ARFGAP3: variants seen among roughly 807,000 people sequenced by gnomAD.
ARFGAP3 encodes ADP-ribosylation factor GTPase-activating protein 3.
A neutral mutation model predicts 75.0 loss-of-function variants in ARFGAP3; 72 were observed. The observed-to-expected ratio is 0.96, with a 90% CI of 0.79 to 1.17. The LOEUF is 1.17. Ranked by LOEUF, ARFGAP3 falls within the 50% of genes most tolerant of loss-of-function variation. The pLI is 0.00. For missense variants in ARFGAP3, 620 were observed against 626.6 expected, an observed-to-expected ratio of 0.99 and a Z score of 0.11; for synonymous variants, 221 against 217.9, an observed-to-expected ratio of 1.01 and a Z score of -0.13.
chr22:42,834,648 A>AT (rs1366638923), intron 4 of ARFGAP3, among the ~76,000 whole-genome samples: 1 of 152,242 alleles, frequency 6.6e-6, no homozygotes, highest in African/African-American at 2.4e-5. Flanking sequence ...ATATTTATGA[A>AT]TCTACCTACT....
At chr22:42,831,749 G>A (rs1272598067) in intron 5 of ARFGAP3, 113 bp from the exon 6 acceptor site, 10 of 1,524,018 alleles carry the variant, frequency 6.6e-6, no homozygotes, top group Non-Finnish European at 8.8e-6. Context: ...CTGAGTCCCT[G>A]TTAATGGAAA....
rs58205841 is a variant in ARFGAP3 at position 42,842,304 on chromosome 22, C to CT, written c.189-1289dup. On this transcript the variant is annotated intron_variant, in intron 2 of 15. Transcript: ENST00000263245. ...ACAGGCATGAGCCACCGTGCCTGGC[C>CT]TTTTTTTTTTTTTTTTTTTTTTAAA... Among the ~76,000 whole-genome samples the CT allele has an allele frequency of 7.9e-4, 95 of 120,352 alleles. 1 individual carries two copies. Among genetic ancestry groups the CT allele is most frequent in the East Asian group, 1.3e-3 (5 of 3,970 alleles). The allele number at this position is 120,352 out of a possible 152,430, so 79.0% of individuals were successfully genotyped here.
chr22:42,805,426 T>C (rs576576624), intron 14 of ARFGAP3, among the ~76,000 whole-genome samples: 2 of 152,310 alleles, frequency 1.3e-5, no homozygotes, highest in East Asian at 3.9e-4. Flanking sequence ...CTGGACCGGC[T>C]GCTGGCTGTG....
intron 14 of ARFGAP3, chr22:42,799,410 T>G (rs964727632): frequency 1.5e-5 from 3 of 205,354 alleles, no homozygotes; most frequent in Non-Finnish European, 2.6e-5. Context: ...ATCCTGGCAC[T>G]GTCACTTCTA....
intron 11 of ARFGAP3, among the ~76,000 whole-genome samples, chr22:42,812,013 CA>C (rs1029424853): frequency 1.3e-5 from 2 of 151,834 alleles, no homozygotes; most frequent in African/African-American, 4.8e-5. Context: ...CCCATCTCTA[CA>C]AAAAATGCAA....
chr22:42,855,269 A>T (rs1602140220), intron 1 of ARFGAP3, among the ~76,000 whole-genome samples: 1 of 152,380 alleles, frequency 6.6e-6, no homozygotes, highest in Non-Finnish European at 1.5e-5. Context: ...AATCAAAGAG[A>T]ATACATGTTG....
At chr22:42,805,072 C>G (rs1487559615) in intron 14 of ARFGAP3, among the ~76,000 whole-genome samples, 2 of 152,232 alleles carry the variant, frequency 1.3e-5, no homozygotes, top group African/African-American at 2.4e-5. Flanking sequence ...TTGAGACCAG[C>G]CTGGGCAACA....
intron 14 of ARFGAP3, among the ~76,000 whole-genome samples, chr22:42,800,047 G>C (rs1569130677): frequency 1.3e-5 from 2 of 152,154 alleles, no homozygotes; most frequent in Non-Finnish European, 1.5e-5. Context: ...AGTTCATCAG[G>C]GTTATCACAC....
chr22:42,843,481 C>T (rs1926874396), intron 2 of ARFGAP3, among the ~76,000 whole-genome samples: 1 of 152,086 alleles, frequency 6.6e-6, no homozygotes, highest in South Asian at 2.1e-4. Flanking sequence ...GCTATCCTCC[C>T]ACCCCGGCCT....
intron 14 of ARFGAP3, among the ~76,000 whole-genome samples, chr22:42,804,220 CT>C (rs746454323): frequency 6.7e-6 from 1 of 150,012 alleles, no homozygotes; most frequent in Admixed American, 6.6e-5. Context: ...TTTTCCTTTT[CT>C]TTTTTTTGAA....
chr22:42,821,343 C>T lies in ARFGAP3; in HGVS notation c.812+927G>A, dbSNP rs140930298. Among the ~76,000 whole-genome samples the T allele has an allele frequency of 2.7e-3, 416 of 152,342 alleles. 1 individual carries two copies. The highest frequency in any genetic ancestry group is 9.5e-3 in the African/African-American group (394 of 41,576). On this transcript the variant is annotated intron_variant, in intron 9 of 15. Coordinates refer to ENST00000263245, the MANE Select transcript of ARFGAP3 (RefSeq NM_014570.5). Reference sequence around the variant, plus strand: ...ACCACTAACTCCAGAACACTTTCAGCAGTCCAAAAAGCAGGCCTGGACCAT... The same window carrying T: ...ACCACTAACTCCAGAACACTTTCAGTAGTCCAAAAAGCAGGCCTGGACCAT...
chr22:42,830,863 C>G (rs190070400), intron 6 of ARFGAP3, among the ~76,000 whole-genome samples: 129 of 152,144 alleles, frequency 8.5e-4, no homozygotes, highest in Middle Eastern at 6.8e-3. Flanking sequence ...AGTAATTTCA[C>G]TCTCTATTTA....
chr22:42,816,225 CGTGCTATAGCATTCGCA>C (rs758279435), intron 11 of ARFGAP3, among the ~76,000 whole-genome samples: 5 of 152,214 alleles, frequency 3.3e-5, no homozygotes, highest in Non-Finnish European at 5.9e-5. Flanking sequence ...CCATTCTAAA[CGTGCTATAGCATTCGCA>C]GTATCTCATT....
intron 9 of ARFGAP3, among the ~76,000 whole-genome samples, chr22:42,821,196 C>T (rs1218936262): frequency 6.6e-6 from 1 of 152,212 alleles, no homozygotes; most frequent in African/African-American, 2.4e-5. Flanking sequence ...CAGAGTCCAA[C>T]AGGGCTTCAG....
At chr22:42,851,590 G>C (rs938980934) in intron 1 of ARFGAP3, among the ~76,000 whole-genome samples, 1 of 152,194 alleles carries the variant, frequency 6.6e-6, no homozygotes, top group East Asian at 1.9e-4. Flanking sequence ...AGACTGGGAC[G>C]TGTGGAGGTC....
chr22:42,845,813 G>C (rs1053613690), intron 2 of ARFGAP3, among the ~76,000 whole-genome samples: 6 of 152,066 alleles, frequency 3.9e-5, no homozygotes, highest in African/African-American at 1.2e-4. Context: ...GACGAGGGGG[G>C]TGGATCACAA....
Position 42,822,407 on chromosome 22 carries a change from A to C in ARFGAP3, c.675T>G (p.Leu225=), listed in dbSNP as rs1270305440. The C allele has an allele frequency of 6.2e-7, 1 of 1,613,692 alleles. No individual in the cohort carries two copies. Among genetic ancestry groups the C allele is most frequent in the South Asian group, 1.1e-5 (1 of 91,062 alleles). Residue 225 remains leucine (L), a splice_region_variant and synonymous_variant, in exon 9 of 16, where the codon CTT becomes CTG. Transcript: ENST00000263245. The part of the protein sequence containing the change: ...KKKPNQAKKG[L]GAKKGSLGAQ... Reference sequence around the variant, plus strand: ...CTCCCAAACTTCCTTTTTTGGCCCCAAGCTAGAACATATATAAGACTATAG... The same window carrying C: ...CTCCCAAACTTCCTTTTTTGGCCCCCAGCTAGAACATATATAAGACTATAG...
At chr22:42,823,614 C>A in intron 8 of ARFGAP3, 42 bp downstream of exon 8, 6 of 1,403,284 alleles carry the variant, frequency 4.3e-6, no homozygotes, top group Non-Finnish European at 5.8e-6. Flanking sequence ...AGTTTTAAAG[C>A]TTAACTACCA....
In ARFGAP3 at chr22:42,843,212, G is replaced by A. The variant is rs75602653; in HGVS notation, c.189-2196C>T. On this transcript the variant is annotated intron_variant, in intron 2 of 15. Transcript: ENST00000263245. Reference sequence around the variant, plus strand: ...GCCTCACCCCTCCAGGGCCTCAGGAGTGAACTTTTAGCTCCCAGTGTGGCA... The same window carrying A: ...GCCTCACCCCTCCAGGGCCTCAGGAATGAACTTTTAGCTCCCAGTGTGGCA... Among the ~76,000 whole-genome samples, 1,476 of 152,280 alleles carry A rather than the reference G, an allele frequency of 9.7e-3. 17 individuals are homozygous for A. Among genetic ancestry groups the A allele is most frequent in the African/African-American group, 0.033 (1,366 of 41,554 alleles).
Sources: gnomAD v4.1 joint callset for allele counts (sites outside exome capture counted in the v4.1 genomes callset) on GRCh38, gnomAD v4.1.1 for gene constraint, MANE v1.5 for transcripts, NCBI Gene and HGNC (gene_info 2026-07-23, HGNC 2026-07-21) for gene names.